KCNB2: variants seen among roughly 807,000 people sequenced by gnomAD.
The protein encoded by KCNB2 is potassium voltage-gated channel subfamily B member 2.
A neutral mutation model predicts 61.5 loss-of-function variants in KCNB2; 15 were observed. The ratio of observed to expected loss-of-function variants is 0.24; its 90% CI spans 0.16 to 0.38. KCNB2 has a LOEUF of 0.38. KCNB2 is among the 10% of genes least tolerant of loss of function. KCNB2 has a pLI of 1.00. For missense variants in KCNB2, 828 were observed against 1,125.2 expected, an observed-to-expected ratio of 0.74 and a Z score of 3.78; for synonymous variants, 457 against 446.0, an observed-to-expected ratio of 1.02 and a Z score of -0.31.
intron 2 of KCNB2, among the ~76,000 whole-genome samples, chr8:72,891,549 A>G (rs928410582): frequency 5.9e-5 from 9 of 152,248 alleles, no homozygotes. Flanking sequence ...ATGTAGTATC[A>G]AGAAAGCCAA....
At chr8:72,772,329 G>C (rs1470510423) in intron 2 of KCNB2, among the ~76,000 whole-genome samples, 1 of 152,164 alleles carries the variant, frequency 6.6e-6, no homozygotes, top group African/African-American at 2.4e-5. Context: ...TACATCATAG[G>C]CTGCAGCATC....
intron 2 of KCNB2, among the ~76,000 whole-genome samples, chr8:72,806,376 A>G (rs954282769): frequency 1.3e-5 from 2 of 150,320 alleles, no homozygotes; most frequent in African/African-American, 4.9e-5. Context: ...AAAAAAAAGA[A>G]TAATTTGGCC....
chr8:72,836,438 C>T (rs1477968590), intron 2 of KCNB2, among the ~76,000 whole-genome samples: 6 of 152,230 alleles, frequency 3.9e-5, no homozygotes, highest in African/African-American at 1.4e-4. Flanking sequence ...CAGACAGATG[C>T]TTGTTGCAAG....
intron 2 of KCNB2, among the ~76,000 whole-genome samples, chr8:72,725,783 G>T (rs965409825): frequency 9.2e-5 from 14 of 151,432 alleles, no homozygotes; most frequent in Non-Finnish European, 1.8e-4. Flanking sequence ...TGTATGCACA[G>T]TAACTTACAC....
intron 2 of KCNB2, among the ~76,000 whole-genome samples, chr8:72,614,184 G>C (rs546943636): frequency 6.6e-6 from 1 of 152,282 alleles, no homozygotes; most frequent in East Asian, 1.9e-4. Flanking sequence ...TCCCAGTGCT[G>C]TTTATTGGGT....
intron 2 of KCNB2, among the ~76,000 whole-genome samples, chr8:72,677,185 G>A (rs866389300): frequency 8.5e-5 from 13 of 152,174 alleles, no homozygotes; most frequent in African/African-American, 2.7e-4. Flanking sequence ...TAGGAGACAG[G>A]CCTGGAACAG....
intron 2 of KCNB2, among the ~76,000 whole-genome samples, chr8:72,583,937 C>T (rs1206891080): frequency 2.3e-5 from 2 of 85,226 alleles, no homozygotes; most frequent in African/African-American, 8.9e-5. Context: ...ACAGTTACAA[C>T]AATAGAATAT....
intron 2 of KCNB2, among the ~76,000 whole-genome samples, chr8:72,770,559 T>A (rs1808541008): frequency 6.6e-6 from 1 of 152,236 alleles, no homozygotes; most frequent in African/African-American, 2.4e-5. Context: ...TATATAAATT[T>A]AAACTTGGTG....
At chr8:72,681,287 A>T (rs1404461490) in intron 2 of KCNB2, among the ~76,000 whole-genome samples, 9 of 152,314 alleles carry the variant, frequency 5.9e-5, no homozygotes, top group Middle Eastern at 3.4e-3. Flanking sequence ...GTAGGAATAT[A>T]AAAGGCAACA....
At chr8:72,686,135 C>G (rs556370923) in intron 2 of KCNB2, among the ~76,000 whole-genome samples, 9 of 152,256 alleles carry the variant, frequency 5.9e-5, no homozygotes, top group African/African-American at 2.2e-4. Context: ...AGATGTTTAT[C>G]TATAAGATTG....
intron 2 of KCNB2, among the ~76,000 whole-genome samples, chr8:72,818,877 T>C (rs901069607): frequency 6.6e-6 from 1 of 152,180 alleles, no homozygotes; most frequent in African/African-American, 2.4e-5. Context: ...TTCCATTCTG[T>C]CTGAGTTTAG....
chr8:72,670,041 C>T (rs1485126851), intron 2 of KCNB2, among the ~76,000 whole-genome samples: 1 of 152,190 alleles, frequency 6.6e-6, no homozygotes, highest in Non-Finnish European at 1.5e-5. Context: ...GATCACTGAG[C>T]CTCAGTTTTT....
At chr8:72,827,440 TA>T (rs550629562) in intron 2 of KCNB2, among the ~76,000 whole-genome samples, 9 of 151,498 alleles carry the variant, frequency 5.9e-5, no homozygotes, top group South Asian at 2.1e-4. Flanking sequence ...CCATGACCTT[TA>T]AAAAAAAACT....
chr8:72,546,685 G>A (rs1470150605), intron 1 of KCNB2, among the ~76,000 whole-genome samples: 5 of 152,164 alleles, frequency 3.3e-5, no homozygotes, highest in Admixed American at 6.5e-5. Flanking sequence ...AGTCTAGAGT[G>A]TAGTGGCATG....
intron 2 of KCNB2, among the ~76,000 whole-genome samples, chr8:72,862,807 A>G (rs962363015): frequency 2.0e-4 from 31 of 152,266 alleles, no homozygotes; most frequent in African/African-American, 7.5e-4. Flanking sequence ...AGGTAGAAAC[A>G]CTAATGAGCC....
chr8:72,883,064 T>C (rs541863232), intron 2 of KCNB2, among the ~76,000 whole-genome samples: 95 of 152,274 alleles, frequency 6.2e-4, no homozygotes, highest in African/African-American at 2.2e-3. Flanking sequence ...CCAGAAGTCA[T>C]TTACGTTCTC....
At chr8:72,646,343 A>AC (rs976853068) in intron 2 of KCNB2, among the ~76,000 whole-genome samples, 1 of 152,066 alleles carries the variant, frequency 6.6e-6, no homozygotes, top group Non-Finnish European at 1.5e-5. Context: ...TAAGAGACAT[A>AC]TTTTTTTCTA....
At chr8:72,566,048 G>C (rs1322686907) in intron 1 of KCNB2, among the ~76,000 whole-genome samples, 3 of 152,094 alleles carry the variant, frequency 2.0e-5, no homozygotes, top group Admixed American at 1.3e-4. Flanking sequence ...GTCTTGAAAA[G>C]CAAGTACTAG....
At chr8:72,624,744 G>C (rs117613624) in intron 2 of KCNB2, among the ~76,000 whole-genome samples, 1 of 152,184 alleles carries the variant, frequency 6.6e-6, no homozygotes, top group African/African-American at 2.4e-5. Context: ...GATGGGGCCT[G>C]TGACTTCCTT....
Sources: allele counts gnomAD v4.1 joint callset (sites outside exome capture counted in the v4.1 genomes callset), GRCh38; gene constraint gnomAD v4.1.1; transcripts MANE v1.5; gene names NCBI Gene and HGNC (gene_info 2026-07-23, HGNC 2026-07-21).